Variants in IFT25 observed in about 807,000 individuals in gnomAD.
IFT25 encodes intraflagellar transport protein 25 homolog.
the IFT25 span, chr1:53,921,845 G>T: frequency 7.2e-6 from 6 of 828,632 alleles, no homozygotes; most frequent in Non-Finnish European, 1.3e-5. Flanking sequence ...AAAAGAAACA[G>T]CTTGATGCAA....
At chr1:53,944,490 T>A in the IFT25 span, among the ~76,000 whole-genome samples, 1 of 151,986 alleles carries the variant, frequency 6.6e-6, no homozygotes, top group Non-Finnish European at 1.5e-5. Flanking sequence ...ACTAAAAATA[T>A]AAAAATTAGC....
chr1:53,920,393 C>CTTT, the IFT25 span, among the ~76,000 whole-genome samples: 2 of 136,074 alleles, frequency 1.5e-5, no homozygotes, highest in African/African-American at 2.8e-5. Context: ...TCAAATTGCC[C>CTTT]TTTTTTTTTT....
the IFT25 span, among the ~76,000 whole-genome samples, chr1:53,916,170 C>A: frequency 6.8e-6 from 1 of 147,250 alleles, no homozygotes; most frequent in African/African-American, 2.5e-5. Context: ...GGGCAACAGA[C>A]CTGCTCTCAA....
At chr1:53,936,113 C>A in the IFT25 span, among the ~76,000 whole-genome samples, 6 of 151,824 alleles carry the variant, frequency 4.0e-5, no homozygotes, top group African/African-American at 1.5e-4. Context: ...AAAAAGAAAC[C>A]CTGTCTCTAC....
At chr1:53,925,000 A>AC in the IFT25 span, among the ~76,000 whole-genome samples, 1 of 152,184 alleles carries the variant, frequency 6.6e-6, no homozygotes, top group African/African-American at 2.4e-5. Flanking sequence ...AATCTGCTTT[A>AC]CCCCTTCTTT....
At chr1:53,945,622 C>T in the IFT25 span, 2 of 152,348 alleles carry the variant, frequency 1.3e-5, no homozygotes, top group African/African-American at 4.8e-5. Flanking sequence ...CCCCGCCCCA[C>T]GCAGAGCGTC....
At chr1:53,939,518 T>C in the IFT25 span, among the ~76,000 whole-genome samples, 1 of 151,710 alleles carries the variant, frequency 6.6e-6, no homozygotes, top group South Asian at 2.1e-4. Flanking sequence ...AGAGTAGAAA[T>C]TGGAAGGATA....
At chr1:53,912,019 CT>C in the IFT25 span, among the ~76,000 whole-genome samples, 61 of 152,220 alleles carry the variant, frequency 4.0e-4, no homozygotes, top group African/African-American at 1.4e-3. Flanking sequence ...ATTCCCCATC[CT>C]ACCAAAGCCA....
the IFT25 span, among the ~76,000 whole-genome samples, chr1:53,933,702 G>A: frequency 2.0e-5 from 3 of 152,056 alleles, no homozygotes; most frequent in Admixed American, 6.5e-5. Flanking sequence ...GGAGTGTTTA[G>A]CCTCACTGAT....
the IFT25 span, among the ~76,000 whole-genome samples, chr1:53,934,860 G>A: frequency 6.6e-6 from 1 of 152,158 alleles, no homozygotes; most frequent in African/African-American, 2.4e-5. Flanking sequence ...TGAGCCAGGT[G>A]TAGTGGTGCA....
chr1:53,920,897 G>C, the IFT25 span, among the ~76,000 whole-genome samples: 6 of 152,340 alleles, frequency 3.9e-5, no homozygotes, highest in African/African-American at 1.4e-4. Flanking sequence ...TAAAGGCCGG[G>C]TGCGGTGGCT....
the IFT25 span, among the ~76,000 whole-genome samples, chr1:53,933,291 C>T: frequency 1.3e-5 from 2 of 152,054 alleles, no homozygotes; most frequent in African/African-American, 2.4e-5. Flanking sequence ...TGCGCCACCA[C>T]GCCTGGCTAA....
At chr1:53,934,357 T>G in the IFT25 span, among the ~76,000 whole-genome samples, 1 of 152,230 alleles carries the variant, frequency 6.6e-6, no homozygotes, top group Non-Finnish European at 1.5e-5. Flanking sequence ...CTTCCACTGT[T>G]TGTGATGTAA....
the IFT25 span, among the ~76,000 whole-genome samples, chr1:53,926,053 G>A: frequency 7.4e-6 from 1 of 136,016 alleles, no homozygotes; most frequent in African/African-American, 2.8e-5. Context: ...AGTGAGCCGA[G>A]ATTGCGCCAC....
At chr1:53,938,958 C>G in the IFT25 span, among the ~76,000 whole-genome samples, 1 of 151,392 alleles carries the variant, frequency 6.6e-6, no homozygotes, top group East Asian at 1.9e-4. Context: ...CCTGTAATCC[C>G]AGCTACTCGG....
the IFT25 span, chr1:53,923,909 T>G: frequency 6.3e-7 from 1 of 1,582,256 alleles, no homozygotes; most frequent in Non-Finnish European, 8.7e-7. Flanking sequence ...CTTACCACAA[T>G]TTCTTCATTT....
chr1:53,932,573 T>C, the IFT25 span, among the ~76,000 whole-genome samples: 1 of 152,234 alleles, frequency 6.6e-6, no homozygotes, highest in Non-Finnish European at 1.5e-5. Flanking sequence ...TTCAATATGC[T>C]GGGTTTTAAG....
chr1:53,943,944 A>G, the IFT25 span, among the ~76,000 whole-genome samples: 1 of 152,114 alleles, frequency 6.6e-6, no homozygotes, highest in Non-Finnish European at 1.5e-5. Flanking sequence ...TTTAAAAGAG[A>G]GTTACACTTT....
At chr1:53,925,815 T>C in the IFT25 span, among the ~76,000 whole-genome samples, 129 of 151,832 alleles carry the variant, frequency 8.5e-4, no homozygotes, top group Non-Finnish European at 1.6e-3. Context: ...ACTAAAGTAT[T>C]TTAGGCCAGG....
Sources: allele counts gnomAD v4.1 joint callset (sites outside exome capture counted in the v4.1 genomes callset), GRCh38; gene constraint gnomAD v4.1.1; transcripts MANE v1.5; gene names NCBI Gene and HGNC (gene_info 2026-07-23, HGNC 2026-07-21).